The following IQCM variants were observed in gnomAD, a reference collection of about 807,000 sequenced individuals.
IQCM encodes the protein IQ domain-containing protein M.
IQCM carries 45 observed loss-of-function variants against 57.6 expected under a neutral mutation model. The ratio of observed to expected loss-of-function variants is 0.78; its 90% CI spans 0.62 to 1.00. The LOEUF (loss-of-function observed/expected upper bound fraction) is 1.00, where lower values mean the gene tolerates loss of function less well. Ranked by LOEUF, IQCM falls within the 50% of genes least tolerant of loss-of-function variation. The pLI, the probability that IQCM is intolerant of heterozygous loss-of-function variation, is 0.00. For missense variants in IQCM, 468 were observed against 511.6 expected (o/e 0.91, Z 0.82); for synonymous variants, 148 against 158.9 (o/e 0.93, Z 0.51).
chr4:149,521,312 T>A (rs539658019), intron 12 of IQCM, among the ~76,000 whole-genome samples: 5 of 151,642 alleles, frequency 3.3e-5, no homozygotes, highest in Non-Finnish European at 7.4e-5. Flanking sequence ...AGGGAGGAAG[T>A]CAAGGCAAGG....
intron 12 of IQCM, among the ~76,000 whole-genome samples, chr4:149,494,767 A>G (rs935089563): frequency 2.0e-5 from 3 of 152,112 alleles, no homozygotes; most frequent in Non-Finnish European, 4.4e-5. Context: ...GACAGCAACC[A>G]GGGTTTAGAA....
chr4:149,671,080 C>T (rs1325901278), intron 7 of IQCM, among the ~76,000 whole-genome samples: 1 of 151,910 alleles, frequency 6.6e-6, no homozygotes, highest in Non-Finnish European at 1.5e-5. Context: ...CCTATTTGTA[C>T]CTCTGGTGGA....
Position 149,664,213 on chromosome 4 carries a change from T to C in IQCM, c.565+17905A>G, listed in dbSNP as rs72957449. On this transcript the variant is annotated intron_variant, in intron 7 of 13. Coordinates refer to ENST00000636793, the MANE Select transcript of IQCM (RefSeq NM_001363507.2). Reference sequence around the variant, plus strand: ...ATAATAAACTTTTTTCCTAATTTTATTGAATTCTTTGTCTATATTTTTTGT... The same window carrying C: ...ATAATAAACTTTTTTCCTAATTTTACTGAATTCTTTGTCTATATTTTTTGT... Among the ~76,000 whole-genome samples the C allele has an allele frequency of 2.2e-3, 341 of 152,270 alleles. 1 individual carries two copies. The highest frequency in any genetic ancestry group is 7.7e-3 in the African/African-American group (319 of 41,574).
intron 13 of IQCM, among the ~76,000 whole-genome samples, chr4:149,377,092 A>C (rs1026621980): frequency 2.0e-5 from 3 of 152,156 alleles, no homozygotes; most frequent in Admixed American, 6.6e-5. Context: ...GAATACAGAA[A>C]ATTTCTAGTT....
intron 13 of IQCM, among the ~76,000 whole-genome samples, chr4:149,399,361 G>A (rs374001115): frequency 6.6e-5 from 10 of 151,962 alleles, no homozygotes; most frequent in East Asian, 1.9e-4. Context: ...TCATAAATAC[G>A]TATTAATTAG....
chr4:149,381,586 C>T (rs1731079296), intron 13 of IQCM, among the ~76,000 whole-genome samples: 1 of 152,098 alleles, frequency 6.6e-6, no homozygotes, highest in African/African-American at 2.4e-5. Flanking sequence ...AATTATCTGC[C>T]TAGCTCCATT....
At chr4:149,810,725 C>A (rs907498451) in intron 2 of IQCM, among the ~76,000 whole-genome samples, 1 of 152,104 alleles carries the variant, frequency 6.6e-6, no homozygotes. Flanking sequence ...GCTGGGATTA[C>A]AGGCGTGAGC....
intron 13 of IQCM, among the ~76,000 whole-genome samples, chr4:149,367,284 T>C (rs775519900): frequency 2.6e-5 from 4 of 152,134 alleles, no homozygotes; most frequent in South Asian, 2.1e-4. Context: ...ATGCCCTGTA[T>C]ACAAACAAAA....
At chr4:149,554,773 C>T (rs1004653163) in intron 10 of IQCM, among the ~76,000 whole-genome samples, 4 of 151,756 alleles carry the variant, frequency 2.6e-5, no homozygotes, top group Middle Eastern at 3.4e-3. Flanking sequence ...GATCTCGGCT[C>T]ACTGCAAGCT....
chr4:149,722,824 G>A (rs568275086), intron 5 of IQCM, among the ~76,000 whole-genome samples: 19 of 151,410 alleles, frequency 1.3e-4, no homozygotes, highest in Admixed American at 8.6e-4. Flanking sequence ...AATTCTGTGG[G>A]AAAAAAAAGA....
chr4:149,678,280 A>G (rs1226895223), intron 7 of IQCM, among the ~76,000 whole-genome samples: 1 of 151,876 alleles, frequency 6.6e-6, no homozygotes, highest in African/African-American at 2.4e-5. Context: ...TAAAAGCAAC[A>G]AGAGAAAAAA....
intron 7 of IQCM, among the ~76,000 whole-genome samples, chr4:149,669,963 C>A (rs1761106531): frequency 1.3e-5 from 2 of 152,128 alleles, no homozygotes; most frequent in Non-Finnish European, 2.9e-5. Flanking sequence ...AATGTGGGCT[C>A]TTTTTTGGTT....
chr4:149,603,019 T>C (rs1305332395), intron 8 of IQCM, among the ~76,000 whole-genome samples: 1 of 152,064 alleles, frequency 6.6e-6, no homozygotes, highest in Non-Finnish European at 1.5e-5. Context: ...TAACTACAAA[T>C]ATAGTGTACT....
intron 5 of IQCM, among the ~76,000 whole-genome samples, chr4:149,692,831 C>G (rs1480353048): frequency 1.3e-5 from 2 of 151,748 alleles, no homozygotes; most frequent in Admixed American, 6.6e-5. Context: ...AATTTCAGTT[C>G]TGAAATATAA....
At chr4:149,733,182 A>G (rs1766620650) in intron 5 of IQCM, 62 bp downstream of exon 5, 2 of 1,206,582 alleles carry the variant, frequency 1.7e-6, no homozygotes, top group Non-Finnish European at 2.1e-6. Flanking sequence ...TTACAGGCAC[A>G]TAAGAAACAA....
At chr4:149,716,790 T>C (rs1005053441) in intron 5 of IQCM, among the ~76,000 whole-genome samples, 1 of 152,226 alleles carries the variant, frequency 6.6e-6, no homozygotes, top group African/African-American at 2.4e-5. Context: ...CTTGGAGTCA[T>C]CTTCCTCTCA....
At chr4:149,626,667 G>T (rs1340376721) in intron 7 of IQCM, among the ~76,000 whole-genome samples, 1 of 151,900 alleles carries the variant, frequency 6.6e-6, no homozygotes, top group Non-Finnish European at 1.5e-5. Flanking sequence ...AATGACTTCT[G>T]GTTCAATATG....
chr4:149,710,604 C>T (rs1325706498), intron 5 of IQCM, among the ~76,000 whole-genome samples: 3 of 152,108 alleles, frequency 2.0e-5, no homozygotes, highest in Non-Finnish European at 4.4e-5. Flanking sequence ...GACGTAGGAA[C>T]CGTCACTATT....
chr4:149,678,324 G>C (rs1761920654), intron 7 of IQCM, among the ~76,000 whole-genome samples: 2 of 151,908 alleles, frequency 1.3e-5, no homozygotes, highest in East Asian at 3.9e-4. Flanking sequence ...ATTTAATCTG[G>C]CAACAGACTT....
Sources: allele counts gnomAD v4.1 joint callset (sites outside exome capture counted in the v4.1 genomes callset), GRCh38; gene constraint gnomAD v4.1.1; transcripts MANE v1.5; gene names NCBI Gene and HGNC (gene_info 2026-07-23, HGNC 2026-07-21).